Variants in ZNF214 observed in about 807,000 individuals in gnomAD.
ZNF214 encodes zinc finger protein 214.
ZNF214 carries 43 observed loss-of-function variants against 53.9 expected under a neutral mutation model. The observed-to-expected ratio is 0.80, with a 90% CI of 0.63 to 1.03. The LOEUF is 1.03. Ranked by LOEUF, ZNF214 falls within the 50% of genes least tolerant of loss-of-function variation. The probability of loss-of-function intolerance (pLI) is 0.00; values close to 1 mark genes in which losing one functional copy is unlikely to be tolerated. For missense variants in ZNF214, 724 were observed against 719.1 expected (o/e 1.01, Z -0.08); for synonymous variants, 217 against 229.5 (o/e 0.95, Z 0.49).
At chr11:7,005,863 AC>A (rs1851460589) in intron 1 of ZNF214, among the ~76,000 whole-genome samples, 1 of 152,124 alleles carries the variant, frequency 6.6e-6, no homozygotes, top group Non-Finnish European at 1.5e-5. Flanking sequence ...ACTTGCCATT[AC>A]AAATTTTCTG....
In ZNF214 at chr11:7,000,476, T is replaced by G; in HGVS notation, c.1207A>C (p.Ile403Leu). Reference sequence around the variant, plus strand: ...TCTCCTGTGTGTACTAACTGATGAATTCGAAGATTTGAGCTCTGGCTGAAA... The same window carrying G: ...TCTCCTGTGTGTACTAACTGATGAAGTCGAAGATTTGAGCTCTGGCTGAAA... ...KGFSQSSNLR[I>L]HQLVHTGEKS... Residue 403 changes from isoleucine (I) to leucine (L), a missense_variant, in exon 3 of 3, where the codon ATT (isoleucine) becomes CTT (leucine). Ile to Leu is a conservative substitution (Grantham distance 5). Transcript: ENST00000278314. 2 of 1,613,256 alleles carry G rather than the reference T, an allele frequency of 1.2e-6. No homozygotes were observed. Among genetic ancestry groups the G allele is most frequent in the Non-Finnish European group, 1.7e-6 (2 of 1,179,522 alleles).
intron 1 of ZNF214, among the ~76,000 whole-genome samples, chr11:7,003,399 T>C (rs542485846): frequency 6.6e-6 from 1 of 152,110 alleles, no homozygotes; most frequent in Non-Finnish European, 1.5e-5. Flanking sequence ...CCAAATACTA[T>C]CATCATCAGC....
intron 1 of ZNF214, among the ~76,000 whole-genome samples, chr11:7,007,311 C>A (rs1851492263): frequency 2.0e-5 from 1 of 49,168 alleles, no homozygotes; most frequent in Non-Finnish European, 5.1e-5. Flanking sequence ...GAAAAGATGG[C>A]AAAAATAATA....
intron 1 of ZNF214, among the ~76,000 whole-genome samples, chr11:7,015,021 A>G (rs1208594774): frequency 2.0e-5 from 3 of 151,830 alleles, no homozygotes; most frequent in Admixed American, 2.0e-4. Context: ...ATACATCATA[A>G]TAAAGTTCAA....
chr11:7,018,988 A>T (rs1015431144), intron 1 of ZNF214, among the ~76,000 whole-genome samples: 21 of 152,104 alleles, frequency 1.4e-4, no homozygotes, highest in Non-Finnish European at 2.8e-4. Flanking sequence ...TCATCCATCC[A>T]TCCTCATTGC....
chr11:7,019,043 GAA>G (rs1851848270), intron 1 of ZNF214, among the ~76,000 whole-genome samples: 2 of 152,144 alleles, frequency 1.3e-5, no homozygotes, highest in South Asian at 4.1e-4. Context: ...TTGTAAATGA[GAA>G]AAGACAATCA....
chr11:7,006,019 T>C (rs1263217254), intron 1 of ZNF214, among the ~76,000 whole-genome samples: 1 of 152,052 alleles, frequency 6.6e-6, no homozygotes, highest in Non-Finnish European at 1.5e-5. Context: ...ATTTGTATTA[T>C]TTTGCTTTTC....
At chr11:7,002,894 T>C (rs1455080106) in intron 1 of ZNF214, 39 bp from the exon 2 acceptor site, 2 of 1,519,652 alleles carry the variant, frequency 1.3e-6, no homozygotes, top group Admixed American at 2.3e-5. Flanking sequence ...TGGACAAAGA[T>C]AAAGACATTT....
At chr11:7,009,634 C>G (rs541911274) in intron 1 of ZNF214, among the ~76,000 whole-genome samples, 1 of 152,144 alleles carries the variant, frequency 6.6e-6, no homozygotes, top group Non-Finnish European at 1.5e-5. Context: ...ACAGAGTAAA[C>G]AGACAACATA....
In ZNF214 at chr11:7,000,562, T is replaced by G; in HGVS notation, c.1121A>C (p.His374Pro). The part of the protein sequence containing the change: ...GKSFNRSSVL[H>P]VHQRVHTGEK... ...TCCTGTGTGGACTCTCTGATGAACA[T>G]GAAGTACTGAACTCCGATTAAAACT... The change falls in exon 3 of 3, where the codon CAT (histidine) becomes CCT (proline). Residue 374 changes from histidine to proline, a missense_variant. Physicochemically the swap from His to Pro is moderately conservative, Grantham distance 77 (BLOSUM62 -2). Coordinates refer to ENST00000278314, the MANE Select transcript of ZNF214 (RefSeq NM_013249.4). The G allele has an allele frequency of 1.2e-6, 2 of 1,611,956 alleles. No homozygotes were observed. Among genetic ancestry groups the G allele is most frequent in the South Asian group, 1.1e-5 (1 of 90,790 alleles).
Position 7,014,941 on chromosome 11 carries a change from A to T in ZNF214, c.-21+5132T>A, listed in dbSNP as rs570566669. On this transcript the variant is annotated intron_variant, in intron 1 of 2. Coordinates refer to ENST00000278314, the MANE Select transcript of ZNF214 (RefSeq NM_013249.4). ...GAAAAAACAGTGTATGCCGAGTTCA[A>T]TGGTGAGTGTCCGTGTTATTATATT... 2.6e-5 allele frequency among the ~76,000 whole-genome samples: 4 copies of T among 152,176 alleles called. No homozygotes were observed. The East Asian group carries it at 7.7e-4, about 29-fold the overall frequency.
Position 7,002,848 on chromosome 11 carries a change from C to G in ZNF214, c.-13G>C, listed in dbSNP as rs200270796. 6.3e-7 allele frequency: 1 copy of G among 1,582,166 alleles called. No homozygotes were observed. Among genetic ancestry groups the G allele is most frequent in the South Asian group, 1.2e-5 (1 of 85,306 alleles). ...ATGTTACTGCCATCTGGTCAAAGAT[C>G]AGGCTTTCTAGGAAAAAGAAATCTA... On this transcript the variant is annotated 5_prime_UTR_variant, in exon 2 of 3. Coordinates refer to ENST00000278314, the MANE Select transcript of ZNF214 (RefSeq NM_013249.4).
At chr11:7,014,383 T>C (rs1851696171) in intron 1 of ZNF214, among the ~76,000 whole-genome samples, 1 of 152,202 alleles carries the variant, frequency 6.6e-6, no homozygotes, top group East Asian at 1.9e-4. Context: ...AAGTTGTTCA[T>C]ACTATGAAAT....
At chr11:7,008,687 C>G (rs1418805138) in intron 1 of ZNF214, among the ~76,000 whole-genome samples, 2 of 152,104 alleles carry the variant, frequency 1.3e-5, no homozygotes, top group African/African-American at 4.8e-5. Context: ...TAGAAAATCC[C>G]AGAGTCTCTG....
rs1343611380 is a variant in ZNF214, at chr11:7,014,080, CA to C, written c.-21+5992del. ...ATTCTCATTAAAACTGGAAACTTGA[CA>C]AGGATACTGCAAGTCCACAACTTTT... is the stretch of plus-strand genomic sequence containing the variant. On this transcript the variant is annotated intron_variant, in intron 1 of 2. Coordinates refer to ENST00000278314, the MANE Select transcript of ZNF214 (RefSeq NM_013249.4). 4.6e-5 allele frequency among the ~76,000 whole-genome samples: 7 copies of C among 152,274 alleles called. No individual in the cohort carries two copies. In the East Asian group the frequency reaches 1.4e-3, roughly 29 times the overall value.
chr11:7,000,923 C>A lies in ZNF214; in HGVS notation c.760G>T (p.Ala254Ser), dbSNP rs986777289. The A allele has an allele frequency of 1.2e-6, 2 of 1,613,102 alleles. No homozygotes were observed. Among genetic ancestry groups the A allele is most frequent in the African/African-American group, 2.7e-5 (2 of 74,860 alleles). The change falls in exon 3 of 3, where the codon GCA becomes TCA. Residue 254 changes from alanine (A) to serine (S), a missense_variant. Transcript: ENST00000278314. Reference protein sequence around the residue: ...ENLCQCSICKACFSQRSDLYR... With the variant: ...ENLCQCSICKSCFSQRSDLYR... Reference sequence around the variant, plus strand: ...AAGTCTGATCTCTGAGAGAAGCATGCTTTACAGATGGAGCATTGACAGAGG... The same window carrying A: ...AAGTCTGATCTCTGAGAGAAGCATGATTTACAGATGGAGCATTGACAGAGG...
At chr11:7,018,757 C>T (rs1051902846) in intron 1 of ZNF214, among the ~76,000 whole-genome samples, 3 of 152,104 alleles carry the variant, frequency 2.0e-5, no homozygotes, top group Admixed American at 2.0e-4. Context: ...CCACCTTGGC[C>T]TCTCAAAGTG....
At chr11:7,019,758 A>G (rs1851867731) in intron 1 of ZNF214, 1 of 152,252 alleles carries the variant, frequency 6.6e-6, no homozygotes, top group African/African-American at 2.4e-5. Context: ...GGGCAAAGTA[A>G]TAAGCAATTA....
chr11:7,006,171 CT>C (rs1407006738), intron 1 of ZNF214, among the ~76,000 whole-genome samples: 1 of 151,922 alleles, frequency 6.6e-6, no homozygotes. Flanking sequence ...GTAATATGAC[CT>C]TTTTTGGTGT....
Sources: gnomAD v4.1 joint callset for allele counts (sites outside exome capture counted in the v4.1 genomes callset) on GRCh38, gnomAD v4.1.1 for gene constraint, MANE v1.5 for transcripts, NCBI Gene and HGNC (gene_info 2026-07-23, HGNC 2026-07-21) for gene names.